The following DYNC2H1 variants were observed in gnomAD, a reference collection of about 807,000 sequenced individuals.
DYNC2H1 encodes cytoplasmic dynein 2 heavy chain 1.
Under a neutral mutation model 570.0 loss-of-function variants are expected in DYNC2H1, and 410 were observed. The observed-to-expected ratio is 0.72, with a 90% CI of 0.66 to 0.78. The LOEUF (loss-of-function observed/expected upper bound fraction) is 0.78. Ranked by LOEUF, DYNC2H1 falls within the 30% of genes least tolerant of loss-of-function variation. The pLI, the probability that DYNC2H1 is intolerant of heterozygous loss-of-function variation, is 0.00. For synonymous variants in DYNC2H1, 1,688 were observed against 1,677.6 expected, an observed-to-expected ratio of 1.01 and a Z score of -0.15; for missense variants, 4,865 against 5,046.4, an observed-to-expected ratio of 0.96 and a Z score of 1.09.
In DYNC2H1 at chr11:103,241,371, A is replaced by G. The variant is rs2135217613; in HGVS notation, c.9820-2322A>G. 6.6e-6 allele frequency among the ~76,000 whole-genome samples: 1 copy of G among 152,224 alleles called. No individual in the cohort carries two copies. The highest frequency in any genetic ancestry group is 1.9e-4 in the East Asian group (1 of 5,202). On this transcript the variant is annotated intron_variant, in intron 63 of 88. Coordinates refer to ENST00000375735, the MANE Select transcript of DYNC2H1 (RefSeq NM_001377.3). The surrounding 1 kb of genome is among the most constrained non-coding windows in gnomAD (Gnocchi z 5.1). ...CTATATTTAATCATGGAATACAGAG[A>G]TAAAATGTACCATAGAAATCTTATC...
rs149303981 is a variant in DYNC2H1 at position 103,364,031 on chromosome 11, T to G, written c.12156+5672T>G. 4.5e-3 allele frequency among the ~76,000 whole-genome samples: 689 copies of G among 152,254 alleles called. 8 individuals are homozygous for G. The highest frequency in any genetic ancestry group is 0.015 in the African/African-American group (644 of 41,558). On this transcript the variant is annotated intron_variant, in intron 83 of 88. Transcript: ENST00000375735. ...TAAAAAATATGCAAATGTCTGGCTA[T>G]TCTAGATATCTGACAGAGAATGATG...
chr11:103,389,811 G>GT (rs1660138206), intron 83 of DYNC2H1, among the ~76,000 whole-genome samples: 1 of 152,122 alleles, frequency 6.6e-6, no homozygotes, highest in Non-Finnish European at 1.5e-5. Context: ...GTGGTTTTGA[G>GT]TGAGTTTCTT....
chr11:103,358,427 T>C, intron 83 of DYNC2H1, 68 bp downstream of exon 83: 1 of 1,104,962 alleles, frequency 9.1e-7, no homozygotes, highest in Non-Finnish European at 1.3e-6. Context: ...TGCTCCCCAT[T>C]TCTGCCTGAG....
chr11:103,125,326 T>A (rs1341825970), intron 12 of DYNC2H1, 31 bp downstream of exon 12: 5 of 1,489,628 alleles, frequency 3.4e-6, no homozygotes, highest in Non-Finnish European at 4.6e-6. Context: ...AATACCTGCC[T>A]ATTTGGAGTT....
intron 83 of DYNC2H1, among the ~76,000 whole-genome samples, chr11:103,391,886 G>A (rs1270516440): frequency 6.7e-6 from 1 of 148,376 alleles, no homozygotes; most frequent in Non-Finnish European, 1.5e-5. Flanking sequence ...ACCCAGCCGT[G>A]TGAGGTGTCA....
chr11:103,321,226 T>C lies in DYNC2H1; in HGVS notation c.11923T>C (p.Cys3975Arg). 1 of 1,606,152 alleles carries C rather than the reference T, an allele frequency of 6.2e-7. No homozygotes were observed. ...FPYSVSLPQS[C>R]SILDYRAVIE... ...ATATTCCGTATCTCTACCACAATCC[T>C]GCAGCATTTTGGTAGGTAAAATGAA... The change falls in exon 81 of 89, where the codon TGC becomes CGC. Residue 3975 changes from cysteine to arginine, a missense_variant. By Grantham distance (180) the Cys-to-Arg change is radical. Around this residue, in one of 5 missense-constraint regions of DYNC2H1, gnomAD observed 2,401 missense variants for 2,454.6 expected, o/e 0.98. Coordinates refer to ENST00000375735, the MANE Select transcript of DYNC2H1 (RefSeq NM_001377.3).
chr11:103,448,256 G>A (rs1342590588), intron 85 of DYNC2H1, among the ~76,000 whole-genome samples: 1 of 152,110 alleles, frequency 6.6e-6, no homozygotes, highest in African/African-American at 2.4e-5. Context: ...ATGAATGTGG[G>A]TGATCATGTG....
At chr11:103,425,375 C>T (rs562065792) in intron 84 of DYNC2H1, among the ~76,000 whole-genome samples, 44 of 152,200 alleles carry the variant, frequency 2.9e-4, no homozygotes, top group Non-Finnish European at 4.9e-4. Flanking sequence ...TGATGACGGC[C>T]GCCTTCCACA....
In DYNC2H1 at chr11:103,133,414, C is replaced by A. The variant is rs1859374828; in HGVS notation, c.1954-141C>A. 1 of 701,886 alleles carries A rather than the reference C, an allele frequency of 1.4e-6. No homozygotes were observed. The highest frequency in any genetic ancestry group is 3.2e-5 in the East Asian group (1 of 31,420). The allele number at this position is 701,886 out of a possible 1,614,324, so 43.5% of individuals were successfully genotyped here. On this transcript the variant is annotated intron_variant, in intron 13 of 88. Coordinates refer to ENST00000375735, the MANE Select transcript of DYNC2H1 (RefSeq NM_001377.3). This position sits in a 1 kb window ranked among gnomAD's most constrained non-coding sequence, Gnocchi z 4.8. ...CTCAATCTTTGCCAGACTGCCTTAT[C>A]ATTTATAAAATGGAAAATTATTATG... is the stretch of plus-strand genomic sequence containing the variant.
At chr11:103,452,900 TATC>T (rs1306211767) in intron 85 of DYNC2H1, among the ~76,000 whole-genome samples, 1 of 152,078 alleles carries the variant, frequency 6.6e-6, no homozygotes, top group African/African-American at 2.4e-5. Context: ...AATATTGCAA[TATC>T]ATATCACTTT....
At chr11:103,392,617 A>G (rs1427631737) in intron 83 of DYNC2H1, among the ~76,000 whole-genome samples, 3 of 151,990 alleles carry the variant, frequency 2.0e-5, no homozygotes, top group Non-Finnish European at 4.4e-5. Context: ...CTATTCGGCC[A>G]TCTTGGCTCC....
At position 103,228,229 on chromosome 11, in the gene DYNC2H1, C is replaced by T. The variant is rs1863872670; in HGVS notation, c.9354-3031C>T. 6.6e-6 allele frequency among the ~76,000 whole-genome samples: 1 copy of T among 152,068 alleles called. No homozygotes were observed. The highest frequency in any genetic ancestry group is 6.6e-5 in the Admixed American group (1 of 15,244). On this transcript the variant is annotated intron_variant, in intron 59 of 88. Transcript: ENST00000375735. The surrounding 1 kb of genome is among the most constrained non-coding windows in gnomAD (Gnocchi z 6.1). ...GAGGTTTAGATCCATTGCTGATGAG[C>T]TGGTATAATATTTTGGGGGTGTTAA...
At position 103,369,989 on chromosome 11, in the gene DYNC2H1, C is replaced by T. The variant is rs1459550746; in HGVS notation, c.12156+11630C>T. On this transcript the variant is annotated intron_variant, in intron 83 of 88. Coordinates refer to ENST00000375735, the MANE Select transcript of DYNC2H1 (RefSeq NM_001377.3). The surrounding 1 kb of genome is among the most constrained non-coding windows in gnomAD (Gnocchi z 4.0). ...TGCACATTAGGTAGAAGCTTGGCTA[C>T]AGAGATAGGACACCAAAGAGGCTCT... Among the ~76,000 whole-genome samples, 1 of 152,184 alleles carries T rather than the reference C, an allele frequency of 6.6e-6. No homozygotes were observed. The highest frequency in any genetic ancestry group is 1.5e-5 in the Non-Finnish European group (1 of 68,032).
chr11:103,351,684 T>C (rs1940063332), intron 82 of DYNC2H1, among the ~76,000 whole-genome samples: 1 of 152,180 alleles, frequency 6.6e-6, no homozygotes, highest in Non-Finnish European at 1.5e-5. Flanking sequence ...TTTTTAAAAA[T>C]GTTTGATGTT....
rs183290107 is a variant in DYNC2H1, at chr11:103,274,126, G to C, written c.10696-6222G>C. Among the ~76,000 whole-genome samples, 10 of 148,418 alleles carry C rather than the reference G, an allele frequency of 6.7e-5. No homozygotes were observed. The East Asian group carries it at 1.6e-3, about 23-fold the overall frequency. On this transcript the variant is annotated intron_variant, in intron 70 of 88. Coordinates refer to ENST00000375735, the MANE Select transcript of DYNC2H1 (RefSeq NM_001377.3). ...TAGTACTGTGTGTACATTTGTTTGT[G>C]TGTGTGTGTATATATATATATACAC...
At chr11:103,164,066 C>A (rs1158545666) in intron 30 of DYNC2H1, among the ~76,000 whole-genome samples, 1 of 152,104 alleles carries the variant, frequency 6.6e-6, no homozygotes, top group Admixed American at 6.6e-5. Context: ...ACTGAATAAC[C>A]AAAGCCATTG....
In DYNC2H1 at chr11:103,302,013, A is replaced by G. The variant is rs760276674; in HGVS notation, c.11096-1080A>G. Among the ~76,000 whole-genome samples, 11 of 152,146 alleles carry G rather than the reference A, an allele frequency of 7.2e-5. No homozygotes were observed. The South Asian group carries it at 2.3e-3, about 31-fold the overall frequency. ...AGTATATTTTAAATTATTAATTGAC[A>G]TGAGCCTTTTCAGTTTGGCCTTTAT... On this transcript the variant is annotated intron_variant, in intron 75 of 88. Coordinates refer to ENST00000375735, the MANE Select transcript of DYNC2H1 (RefSeq NM_001377.3).
At chr11:103,364,296 G>A (rs1464526430) in intron 83 of DYNC2H1, among the ~76,000 whole-genome samples, 3 of 151,082 alleles carry the variant, frequency 2.0e-5, no homozygotes, top group Non-Finnish European at 4.4e-5. Context: ...GAGATAGGAG[G>A]CTTTCGTGAG....
At chr11:103,312,328 C>T (rs542072552) in intron 79 of DYNC2H1, among the ~76,000 whole-genome samples, 4 of 145,718 alleles carry the variant, frequency 2.7e-5, no homozygotes, top group Admixed American at 2.1e-4. Flanking sequence ...TGTGGTGAGC[C>T]GAGATTGTGC....
Sources: allele counts gnomAD v4.1 joint callset (sites outside exome capture counted in the v4.1 genomes callset), GRCh38; gene constraint gnomAD v4.1.1; regional missense constraint gnomAD v4.1.1; non-coding constraint Gnocchi (gnomAD v3.1); transcripts MANE v1.5; gene names NCBI Gene and HGNC (gene_info 2026-07-23, HGNC 2026-07-21).